Variants in GSR observed in about 807,000 individuals in gnomAD.
GSR encodes glutathione reductase, mitochondrial.
Under a neutral mutation model 56.5 loss-of-function variants are expected in GSR, and 48 were observed. That is an observed-to-expected ratio of 0.85 (90% confidence interval 0.67 to 1.08). GSR has a LOEUF of 1.08. Among genes scored for constraint, GSR ranks in the 50% least tolerant of loss-of-function variants. The pLI, the probability that GSR is intolerant of heterozygous loss-of-function variation, is 0.00. For synonymous variants in GSR, 264 were observed against 270.8 expected, an observed-to-expected ratio of 0.97 and a Z score of 0.25; for missense variants, 694 against 703.3, an observed-to-expected ratio of 0.99 and a Z score of 0.15.
At chr8:30,689,866 TATAA>T (rs1263268894) in intron 8 of GSR, among the ~76,000 whole-genome samples, 1 of 142,546 alleles carries the variant, frequency 7.0e-6, no homozygotes, top group Non-Finnish European at 1.5e-5. Flanking sequence ...TATATTTATA[TATAA>T]ATATATGTAT....
intron 12 of GSR, 90 bp downstream of exon 12, chr8:30,680,814 G>T: frequency 2.6e-6 from 3 of 1,168,302 alleles, no homozygotes; most frequent in Non-Finnish European, 3.8e-6. Flanking sequence ...AGGCTCAACT[G>T]CTTGGTCTCC....
intron 8 of GSR, among the ~76,000 whole-genome samples, chr8:30,689,677 C>T (rs1034207247): frequency 2.0e-5 from 3 of 150,830 alleles, no homozygotes; most frequent in Non-Finnish European, 4.4e-5. Context: ...TAGGCCACGG[C>T]AGCATCACTA....
At chr8:30,716,875 C>T (rs1211270522) in intron 1 of GSR, among the ~76,000 whole-genome samples, 3 of 152,070 alleles carry the variant, frequency 2.0e-5, no homozygotes, top group Non-Finnish European at 4.4e-5. Flanking sequence ...GGCATGCTCT[C>T]GCTCACCCAT....
chr8:30,702,509 T>A (rs889656704), intron 5 of GSR, among the ~76,000 whole-genome samples: 4 of 152,116 alleles, frequency 2.6e-5, no homozygotes, highest in African/African-American at 7.2e-5. Flanking sequence ...AAACAATAAA[T>A]TATCACGTGT....
intron 8 of GSR, among the ~76,000 whole-genome samples, chr8:30,691,852 A>G (rs1406737795): frequency 6.6e-6 from 1 of 152,042 alleles, no homozygotes; most frequent in Non-Finnish European, 1.5e-5. Context: ...TAATCCTTAC[A>G]CTTTGGGAGG....
chr8:30,701,497 T>A (rs1219328952), intron 5 of GSR, among the ~76,000 whole-genome samples: 1 of 148,974 alleles, frequency 6.7e-6, no homozygotes, highest in Non-Finnish European at 1.5e-5. Flanking sequence ...AAAATATATA[T>A]GTTGCATTTT....
At chr8:30,713,319 G>A (rs987175740) in intron 1 of GSR, among the ~76,000 whole-genome samples, 3 of 151,910 alleles carry the variant, frequency 2.0e-5, no homozygotes, top group African/African-American at 7.3e-5. Context: ...TTACAGTCAT[G>A]AGCCACTGTG....
At chr8:30,695,669 G>T (rs1010064663) in intron 7 of GSR, among the ~76,000 whole-genome samples, 8 of 152,198 alleles carry the variant, frequency 5.3e-5, no homozygotes, top group African/African-American at 1.4e-4. Context: ...TTAATGCAAA[G>T]AATTTAGTAA....
chr8:30,705,121 T>TCAG (rs1340975588), intron 4 of GSR, among the ~76,000 whole-genome samples: 1 of 150,428 alleles, frequency 6.6e-6, no homozygotes, highest in East Asian at 2.0e-4. Context: ...AGTATTTCAG[T>TCAG]CAGCTCCATT....
intron 10 of GSR, among the ~76,000 whole-genome samples, chr8:30,683,398 T>C (rs192824479): frequency 8.9e-4 from 136 of 152,172 alleles, no homozygotes; most frequent in Admixed American, 2.2e-3. Flanking sequence ...CATTAATGGA[T>C]AGAGATGGGA....
At chr8:30,709,743 A>C in intron 3 of GSR, 71 bp downstream of exon 3, 1 of 849,636 alleles carries the variant, frequency 1.2e-6, no homozygotes. Context: ...TCCCTAAAAA[A>C]GTTTATGGCT....
At chr8:30,689,625 A>G (rs1367129733) in intron 8 of GSR, among the ~76,000 whole-genome samples, 4 of 151,814 alleles carry the variant, frequency 2.6e-5, no homozygotes, top group African/African-American at 4.8e-5. Flanking sequence ...GAAAAATGTA[A>G]TAACATTTTA....
chr8:30,723,164 T>G (rs1804604183), intron 1 of GSR, among the ~76,000 whole-genome samples: 1 of 152,012 alleles, frequency 6.6e-6, no homozygotes, highest in East Asian at 1.9e-4. Flanking sequence ...AGAAACAACT[T>G]TTCCTTAAGC....
intron 12 of GSR, among the ~76,000 whole-genome samples, chr8:30,680,703 A>G (rs1563524333): frequency 1.3e-5 from 2 of 151,840 alleles, no homozygotes; most frequent in African/African-American, 4.8e-5. Context: ...CATCGTCTTT[A>G]TTTTTTAAAA....
chr8:30,689,417 A>G (rs1803285452), intron 8 of GSR, 98 bp from the exon 9 acceptor site: 4 of 997,376 alleles, frequency 4.0e-6, no homozygotes, highest in Non-Finnish European at 6.4e-6. Context: ...TTTTAACATT[A>G]AAGAAAATCC....
chr8:30,695,091 G>A (rs1476098897), intron 7 of GSR, among the ~76,000 whole-genome samples: 1 of 151,802 alleles, frequency 6.6e-6, no homozygotes, highest in Non-Finnish European at 1.5e-5. Flanking sequence ...TCAAGTGTAT[G>A]ATCTACAAGA....
Position 30,684,215 on chromosome 8 carries a change from G to A in GSR, c.1042-16C>T. On this transcript the variant is annotated splice_polypyrimidine_tract_variant and intron_variant, in intron 9 of 12. Coordinates refer to ENST00000221130, the MANE Select transcript of GSR (RefSeq NM_000637.5). ...TTTGAATCCCCTAAAATTACAAAGA[G>A]ATATCATGTAACCACTTGGCCCACC... 7.0e-7 allele frequency: 1 copy of A among 1,427,020 alleles called. No individual in the cohort carries two copies. Among genetic ancestry groups the A allele is most frequent in the Non-Finnish European group, 9.9e-7 (1 of 1,008,988 alleles). The allele number at this position is 1,427,020 out of a possible 1,614,324, so 88.4% of individuals were successfully genotyped here.
chr8:30,678,735 G>T lies in GSR; in HGVS notation c.*785C>A, dbSNP rs1802832361. On this transcript the variant is annotated 3_prime_UTR_variant, in exon 13 of 13. Coordinates refer to ENST00000221130, the MANE Select transcript of GSR (RefSeq NM_000637.5). ...CGGCTTCTCACATTACATGCTTTTA[G>T]AAAAAGGTCTCATCCTTGAAGCAGC... is the stretch of plus-strand genomic sequence containing the variant. The T allele has an allele frequency of 6.6e-6, 1 of 152,104 alleles. No homozygotes were observed. The highest frequency in any genetic ancestry group is 1.5e-5 in the Non-Finnish European group (1 of 68,026). The allele number at this position is 152,104 out of a possible 1,614,324, so 9.4% of individuals were successfully genotyped here. A position where few individuals can be genotyped will look rare whatever the true frequency, so the allele number is the denominator to read the frequency against.
rs572919161 is a variant in GSR, at chr8:30,696,306, C to T, written c.795+74G>A. 1.4e-4 allele frequency: 143 copies of T among 1,052,696 alleles called. No homozygotes were observed. In the African/African-American group the frequency reaches 1.4e-3, roughly 10 times the overall value. The allele number at this position is 1,052,696 out of a possible 1,614,324, so 65.2% of individuals were successfully genotyped here. A position where few individuals can be genotyped will look rare whatever the true frequency, so the allele number is the denominator to read the frequency against. ...ACCTGCTTTGCACCCTAGTATTTAA[C>T]GACAACATAAGAAAAAATTCTTCAT... On this transcript the variant is annotated intron_variant, in intron 7 of 12. Coordinates refer to ENST00000221130, the MANE Select transcript of GSR (RefSeq NM_000637.5).
Sources: gnomAD v4.1 joint callset for allele counts (sites outside exome capture counted in the v4.1 genomes callset) on GRCh38, gnomAD v4.1.1 for gene constraint, MANE v1.5 for transcripts, NCBI Gene and HGNC (gene_info 2026-07-23, HGNC 2026-07-21) for gene names.